Variants in MTURN observed in about 807,000 individuals in gnomAD.
The protein encoded by MTURN is maturin.
A neutral mutation model predicts 14.9 loss-of-function variants in MTURN; 7 were observed. That is an observed-to-expected ratio of 0.47 (90% confidence interval 0.27 to 0.88). The LOEUF (loss-of-function observed/expected upper bound fraction) is 0.88, where lower values mean the gene tolerates loss of function less well. Ranked by LOEUF, MTURN falls within the 40% of genes least tolerant of loss-of-function variation. The pLI, the probability that MTURN is intolerant of heterozygous loss-of-function variation, is 0.14. For missense variants in MTURN, 151 were observed against 174.1 expected (o/e 0.87, Z 0.75); for synonymous variants, 69 against 72.5 (o/e 0.95, Z 0.25).
chr7:30,148,859 A>C (rs1263971984), intron 2 of MTURN, among the ~76,000 whole-genome samples: 1 of 152,208 alleles, frequency 6.6e-6, no homozygotes, highest in Admixed American at 6.5e-5. Flanking sequence ...ACATCGAAGA[A>C]GGGAGATCAC....
At chr7:30,143,347 C>A (rs1032646177) in intron 1 of MTURN, among the ~76,000 whole-genome samples, 2 of 149,248 alleles carry the variant, frequency 1.3e-5, no homozygotes, top group African/African-American at 5.0e-5. Flanking sequence ...TATTTCCCTC[C>A]CTTTGTCCTT....
intron 2 of MTURN, among the ~76,000 whole-genome samples, chr7:30,155,162 G>A (rs964588065): frequency 6.6e-6 from 1 of 152,134 alleles, no homozygotes; most frequent in Non-Finnish European, 1.5e-5. Context: ...TTTTCCACGG[G>A]GCCTCAGAAT....
rs1379263951 is a variant in MTURN at position 30,158,240 on chromosome 7, T to G, written c.*692T>G. 1 of 152,446 alleles carries G rather than the reference T, an allele frequency of 6.6e-6. No individual in the cohort carries two copies. The highest frequency in any genetic ancestry group is 2.4e-5 in the African/African-American group (1 of 41,450). 9.4% of individuals were successfully genotyped at this position (152,446 alleles called of 1,614,324 possible). A position where few individuals can be genotyped will look rare whatever the true frequency, so the allele number is the denominator to read the frequency against. The stretch of plus-strand genomic sequence containing the variant: ...AACATGCTAATTCCAAAGCCACTTT[T>G]GAAGTCTATAGTGGAAAATATAGAT... On this transcript the variant is annotated 3_prime_UTR_variant, in exon 3 of 3. Transcript: ENST00000324453.
chr7:30,145,818 G>A (rs1797120567), intron 1 of MTURN: 1 of 1,525,110 alleles, frequency 6.6e-7, no homozygotes, highest in Admixed American at 2.3e-5. Flanking sequence ...TGAAGGCAAA[G>A]GCTCTGGTTT....
rs1171306501 is a variant in MTURN at position 30,135,241 on chromosome 7, C to T, written c.105C>T (p.Ala35=). The T allele has an allele frequency of 6.6e-7, 1 of 1,518,188 alleles. No homozygotes were observed. Among genetic ancestry groups the T allele is most frequent in the Admixed American group, 2.1e-5 (1 of 48,560 alleles). 94.0% of individuals were successfully genotyped at this position (1,518,188 alleles called of 1,614,324 possible). Residue 35 remains alanine, a synonymous_variant, in exon 1 of 3, where the codon GCC becomes GCT. Transcript: ENST00000324453. ...CCGAACGCAGGATGGATTTCTACGC[C>T]GACCCCGGCGTCTCCTTCTATGTGC... ...EETERRMDFY[A]DPGVSFYVLC... is the part of the protein sequence containing the mutation.
chr7:30,135,421 C>T, intron 1 of MTURN, 123 bp downstream of exon 1: 12 of 788,716 alleles, frequency 1.5e-5, no homozygotes, highest in Non-Finnish European at 1.9e-5. Flanking sequence ...GTAACCCGCG[C>T]CCCGCGCCCC....
intron 2 of MTURN, among the ~76,000 whole-genome samples, chr7:30,149,920 T>C (rs1797183706): frequency 6.6e-6 from 1 of 152,184 alleles, no homozygotes; most frequent in African/African-American, 2.4e-5. Flanking sequence ...GGAGAGCTAT[T>C]TCTGTGAGCA....
In MTURN at chr7:30,160,891, C is replaced by T. The variant is rs1323084212; in HGVS notation, c.*3343C>T. 1.3e-5 allele frequency: 2 copies of T among 152,564 alleles called. No individual in the cohort carries two copies. Among genetic ancestry groups the T allele is most frequent in the Non-Finnish European group, 2.9e-5 (2 of 68,056 alleles). 9.5% of individuals were successfully genotyped at this position (152,564 alleles called of 1,614,324 possible). A position where few individuals can be genotyped will look rare whatever the true frequency, so the allele number is the denominator to read the frequency against. The stretch of plus-strand genomic sequence containing the variant: ...CCACTCCTGTCTCCCAGGCCCAAAG[C>T]AGCACATGGTGCAATGGAAAAGTCT... On this transcript the variant is annotated 3_prime_UTR_variant, in exon 3 of 3. Coordinates refer to ENST00000324453, the MANE Select transcript of MTURN (RefSeq NM_152793.3).
chr7:30,145,665 A>T, intron 1 of MTURN: 1 of 638,342 alleles, frequency 1.6e-6, no homozygotes, highest in Non-Finnish European at 2.6e-6. Flanking sequence ...GGGTTCTCTT[A>T]AGTTATTTGC....
intron 1 of MTURN, among the ~76,000 whole-genome samples, chr7:30,144,901 T>A (rs10263670): frequency 0.027 from 4,033 of 151,274 alleles, 64 homozygotes; most frequent in Middle Eastern, 0.072. Context: ...ATCTGCCAGA[T>A]GTCTTTCTTT....
At chr7:30,144,666 A>G (rs1797102802) in intron 1 of MTURN, among the ~76,000 whole-genome samples, 1 of 152,202 alleles carries the variant, frequency 6.6e-6, no homozygotes, top group Admixed American at 6.5e-5. Context: ...TGAAACACAG[A>G]TAATTGGGGT....
At chr7:30,139,496 G>A (rs1797016393) in intron 1 of MTURN, among the ~76,000 whole-genome samples, 1 of 152,108 alleles carries the variant, frequency 6.6e-6, no homozygotes, top group South Asian at 2.1e-4. Context: ...CTGGGTTCAG[G>A]GAGTGCTTCT....
intron 1 of MTURN, among the ~76,000 whole-genome samples, chr7:30,138,583 A>G (rs1254694542): frequency 6.6e-6 from 1 of 151,840 alleles, no homozygotes; most frequent in Admixed American, 6.6e-5. Context: ...CCTCCACCTC[A>G]CTCTTACTGT....
At chr7:30,136,605 G>A (rs1248413174) in intron 1 of MTURN, among the ~76,000 whole-genome samples, 2 of 152,060 alleles carry the variant, frequency 1.3e-5, no homozygotes, top group Non-Finnish European at 2.9e-5. Context: ...GAGAGGTGAA[G>A]GCTTATGTAT....
intron 2 of MTURN, among the ~76,000 whole-genome samples, chr7:30,157,032 A>G (rs1407690429): frequency 6.6e-6 from 1 of 152,204 alleles, no homozygotes; most frequent in Non-Finnish European, 1.5e-5. Flanking sequence ...TAATAGCACC[A>G]ATAAATAATA....
At chr7:30,137,550 AATAG>A (rs753306755) in intron 1 of MTURN, 1 of 466,548 alleles carries the variant, frequency 2.1e-6, no homozygotes, top group Non-Finnish European at 4.4e-6. Context: ...ATTTAAATAG[AATAG>A]ATAGAAAGAT....
intron 1 of MTURN, among the ~76,000 whole-genome samples, chr7:30,138,160 G>A (rs1286483478): frequency 6.6e-6 from 1 of 152,012 alleles, no homozygotes; most frequent in East Asian, 1.9e-4. Flanking sequence ...CTGTCGCCCA[G>A]GCTGGAGTGT....
intron 1 of MTURN, among the ~76,000 whole-genome samples, chr7:30,136,826 C>T (rs1459102157): frequency 2.0e-5 from 3 of 152,086 alleles, no homozygotes; most frequent in Non-Finnish European, 4.4e-5. Flanking sequence ...AGCACCCAGG[C>T]GTTCATATAG....
chr7:30,156,796 A>T (rs1583512245), intron 2 of MTURN, among the ~76,000 whole-genome samples: 1 of 151,592 alleles, frequency 6.6e-6, no homozygotes, highest in Non-Finnish European at 1.5e-5. Context: ...CTGCACTCCA[A>T]CCTGGCAACA....
Sources: allele counts gnomAD v4.1 joint callset (sites outside exome capture counted in the v4.1 genomes callset), GRCh38; gene constraint gnomAD v4.1.1; transcripts MANE v1.5; gene names NCBI Gene and HGNC (gene_info 2026-07-23, HGNC 2026-07-21).